The following RYR3 variants were observed in gnomAD, a reference collection of about 807,000 sequenced individuals.
The protein encoded by RYR3 is brain ryanodine receptor-calcium release channel.
In RYR3, 207 loss-of-function variants were observed where a neutral mutation model predicts 584.3. The observed-to-expected ratio is 0.35, with a 90% CI of 0.32 to 0.40. RYR3 has a LOEUF of 0.40. Ranked by LOEUF, RYR3 falls within the 10% of genes least tolerant of loss-of-function variation. RYR3 has a pLI of 1.00. For missense variants in RYR3, 5,616 were observed against 6,089.2 expected, an observed-to-expected ratio of 0.92 and a Z score of 2.59; for synonymous variants, 2,416 against 2,248.5, an observed-to-expected ratio of 1.07 and a Z score of -2.11.
chr15:33,353,511 A>G (rs1973553952), intron 1 of RYR3, among the ~76,000 whole-genome samples: 1 of 152,172 alleles, frequency 6.6e-6, no homozygotes, highest in Admixed American at 6.5e-5. Flanking sequence ...GTTAGATTGA[A>G]TCTGAGTGGA....
intron 19 of RYR3, among the ~76,000 whole-genome samples, chr15:33,615,615 C>G (rs1298400552): frequency 6.6e-6 from 1 of 152,190 alleles, no homozygotes; most frequent in Non-Finnish European, 1.5e-5. Context: ...GGTTGAAAAT[C>G]TTCTCATCAC....
At chr15:33,339,435 G>A (rs1256579176) in intron 1 of RYR3, among the ~76,000 whole-genome samples, 1 of 152,214 alleles carries the variant, frequency 6.6e-6, no homozygotes, top group Admixed American at 6.5e-5. Flanking sequence ...GTCTTCCAAG[G>A]TTATGGTAGC....
intron 53 of RYR3, among the ~76,000 whole-genome samples, chr15:33,747,908 G>A (rs994282756): frequency 6.6e-6 from 1 of 152,176 alleles, no homozygotes; most frequent in African/African-American, 2.4e-5. Flanking sequence ...CCCAGGGCAG[G>A]AAAGACCGTA....
rs68182512 is a variant in RYR3, at chr15:33,425,637, A to ATTTTTTT, written c.52-47766_52-47760dup. Among the ~76,000 whole-genome samples, 18 of 121,802 alleles carry ATTTTTTT rather than the reference A, an allele frequency of 1.5e-4. 1 individual carries two copies. The highest frequency in any genetic ancestry group is 3.0e-4 in the East Asian group (1 of 3,304). 79.9% of individuals were successfully genotyped at this position (121,802 alleles called of 152,430 possible). On this transcript the variant is annotated intron_variant, in intron 1 of 103. Coordinates refer to ENST00000634891, the MANE Select transcript of RYR3 (RefSeq NM_001036.6). Reference sequence around the variant, plus strand: ...AGCTTCTACTAGGTTGAGACTCACAATTTTTTTTTTTTTTTTTTTTTTGAG... The same window carrying ATTTTTTT: ...AGCTTCTACTAGGTTGAGACTCACAATTTTTTTTTTTTTTTTTTTTTTTTTTTTTGAG...
At chr15:33,637,397 T>C (rs2061553578) in intron 27 of RYR3, among the ~76,000 whole-genome samples, 1 of 152,256 alleles carries the variant, frequency 6.6e-6, no homozygotes, top group Admixed American at 6.5e-5. Flanking sequence ...GCTGTGTGAA[T>C]GCCCTTATGC....
At position 33,852,924 on chromosome 15, in the gene RYR3, T is replaced by G; in HGVS notation, c.13629-121T>G. On this transcript the variant is annotated intron_variant, in intron 94 of 103. Transcript: ENST00000634891. ...AACTTCAATCAGATCTTAAAATTCT[T>G]TGGTGAGCAGGACACAAACCAGAAA... is the stretch of plus-strand genomic sequence containing the variant. The G allele has an allele frequency of 3.7e-6, 3 of 804,794 alleles. No individual in the cohort carries two copies. In the South Asian group the frequency reaches 4.8e-5, roughly 13 times the overall value. 49.9% of individuals were successfully genotyped at this position (804,794 alleles called of 1,614,324 possible).
chr15:33,358,240 G>T (rs778834275), intron 1 of RYR3, among the ~76,000 whole-genome samples: 2 of 152,180 alleles, frequency 1.3e-5, no homozygotes, highest in Non-Finnish European at 1.5e-5. Flanking sequence ...AGAACAAGCT[G>T]CCAGGTCCCC....
intron 2 of RYR3, among the ~76,000 whole-genome samples, chr15:33,495,165 G>C (rs1407429067): frequency 6.6e-6 from 1 of 152,202 alleles, no homozygotes. Flanking sequence ...CATTCTCAAA[G>C]ATTATTCCAA....
At chr15:33,591,792 A>G (rs1324049904) in intron 16 of RYR3, among the ~76,000 whole-genome samples, 1 of 152,230 alleles carries the variant, frequency 6.6e-6, no homozygotes, top group Non-Finnish European at 1.5e-5. Context: ...CTCAGAAAGT[A>G]TAAATCAGGA....
At chr15:33,320,794 ATTAT>A (rs1968861223) in intron 1 of RYR3, among the ~76,000 whole-genome samples, 1 of 152,212 alleles carries the variant, frequency 6.6e-6, no homozygotes, top group Non-Finnish European at 1.5e-5. Flanking sequence ...CTCAATAAAT[ATTAT>A]TTATTATTGT....
chr15:33,527,817 A>G (rs1384621102), intron 3 of RYR3, among the ~76,000 whole-genome samples: 2 of 152,134 alleles, frequency 1.3e-5, no homozygotes, highest in Non-Finnish European at 2.9e-5. Flanking sequence ...GACTGAAAGG[A>G]GGAAGGGCAG....
At chr15:33,573,216 A>G (rs1413572795) in intron 12 of RYR3, among the ~76,000 whole-genome samples, 1 of 152,178 alleles carries the variant, frequency 6.6e-6, no homozygotes, top group African/African-American at 2.4e-5. Context: ...ATGAAAAAAT[A>G]TCAATGCTGA....
intron 1 of RYR3, among the ~76,000 whole-genome samples, chr15:33,446,141 T>A (rs1488264224): frequency 6.6e-6 from 1 of 152,212 alleles, no homozygotes; most frequent in Non-Finnish European, 1.5e-5. Context: ...TTCTGCCACC[T>A]GGAGAAAATT....
In RYR3 at chr15:33,810,527, T is replaced by C. The variant is rs2152944244; in HGVS notation, c.10075T>C (p.Leu3359=). 6.2e-7 allele frequency: 1 copy of C among 1,613,972 alleles called. No individual in the cohort carries two copies. Among genetic ancestry groups the C allele is most frequent in the Non-Finnish European group, 8.5e-7 (1 of 1,179,866 alleles). ...ERKKTKRRGD[L]YSIQTSLIVA... ...GAAGAAGACAAAGCGGCGGGGAGAC[T>C]TGTATTCCATCCAGACCTCCCTCAT... Residue 3359 remains leucine, a synonymous_variant, in exon 71 of 104, where the codon TTG becomes CTG. Coordinates refer to ENST00000634891, the MANE Select transcript of RYR3 (RefSeq NM_001036.6).
Position 33,644,501 on chromosome 15 carries a change from G to A in RYR3, c.3747G>A (p.Lys1249=). ...TCCCGACGTTTGTCAACGTGCCAAA[G>A]GATCATCCACACATAGAGGTAATGT... The part of the protein sequence containing the change: ...KRLPTFVNVP[K]DHPHIEVMRI... The change falls in exon 28 of 104, where the codon AAG becomes AAA. Residue 1249 remains lysine, a synonymous_variant. Transcript: ENST00000634891. The A allele has an allele frequency of 6.2e-7, 1 of 1,613,554 alleles. No individual in the cohort carries two copies. The highest frequency in any genetic ancestry group is 8.5e-7 in the Non-Finnish European group (1 of 1,179,630).
intron 67 of RYR3, among the ~76,000 whole-genome samples, chr15:33,798,990 GT>G (rs1310930777): frequency 1.3e-5 from 2 of 152,174 alleles, no homozygotes; most frequent in African/African-American, 4.8e-5. Context: ...CTGGCTTTTG[GT>G]AGCTGTTACC....
At chr15:33,681,156 T>G (rs74005950) in intron 38 of RYR3, among the ~76,000 whole-genome samples, 1,910 of 152,328 alleles carry the variant, frequency 0.013, 46 homozygotes, top group African/African-American at 0.044. Flanking sequence ...TGGGTCCCAG[T>G]TTCTGTGGGC....
At chr15:33,708,118 A>G (rs1462552078) in intron 43 of RYR3, among the ~76,000 whole-genome samples, 3 of 151,708 alleles carry the variant, frequency 2.0e-5, no homozygotes, top group Non-Finnish European at 4.4e-5. Context: ...GCTAACCTCC[A>G]TTTTCTTCTC....
At chr15:33,815,616 T>C (rs2076775521) in intron 74 of RYR3, among the ~76,000 whole-genome samples, 1 of 152,222 alleles carries the variant, frequency 6.6e-6, no homozygotes, top group Admixed American at 6.5e-5. Flanking sequence ...TCAGTTGTTT[T>C]AGAGGGGCTG....
Sources: allele counts gnomAD v4.1 joint callset (sites outside exome capture counted in the v4.1 genomes callset), GRCh38; gene constraint gnomAD v4.1.1; transcripts MANE v1.5; gene names NCBI Gene and HGNC (gene_info 2026-07-23, HGNC 2026-07-21).